The following ATP8A2 variants were observed in gnomAD, a reference collection of about 807,000 sequenced individuals.
The protein encoded by ATP8A2 is phospholipid-transporting ATPase IB.
Under a neutral mutation model 165.6 loss-of-function variants are expected in ATP8A2, and 100 were observed. That is an observed-to-expected ratio of 0.60 (90% CI 0.51 to 0.71). ATP8A2 has a LOEUF of 0.71. Ranked by LOEUF, ATP8A2 falls within the 30% of genes least tolerant of loss-of-function variation. The probability of loss-of-function intolerance (pLI) is 0.00; values close to 1 mark genes in which losing one functional copy is unlikely to be tolerated. For missense variants in ATP8A2, 1,227 were observed against 1,479.5 expected, an observed-to-expected ratio of 0.83 and a Z score of 2.80; for synonymous variants, 543 against 548.8, an observed-to-expected ratio of 0.99 and a Z score of 0.15.
chr13:25,975,537 G>A (rs1040219245), intron 35 of ATP8A2, among the ~76,000 whole-genome samples: 3 of 151,836 alleles, frequency 2.0e-5, no homozygotes, highest in Non-Finnish European at 4.4e-5. Context: ...AGCCGAGATC[G>A]CGCCACTGCA....
intron 24 of ATP8A2, among the ~76,000 whole-genome samples, chr13:25,658,510 G>A (rs562364951): frequency 9.0e-4 from 137 of 152,074 alleles, no homozygotes; most frequent in Admixed American, 2.3e-3. Flanking sequence ...GTGGTGGTGC[G>A]CACCTGTAAT....
At chr13:25,990,473 C>T (rs924992571) in intron 35 of ATP8A2, among the ~76,000 whole-genome samples, 8 of 152,078 alleles carry the variant, frequency 5.3e-5, no homozygotes, top group Non-Finnish European at 7.4e-5. Context: ...GACTTGTCCA[C>T]GGGAAGAACA....
chr13:25,591,638 G>A (rs2040083078), intron 24 of ATP8A2, among the ~76,000 whole-genome samples: 2 of 144,484 alleles, frequency 1.4e-5, no homozygotes, highest in Non-Finnish European at 3.0e-5. Context: ...AGGTTGGAGT[G>A]CTGTGCCAAA....
chr13:25,797,317 CAAAG>C (rs141681249), intron 27 of ATP8A2, among the ~76,000 whole-genome samples: 4,549 of 151,942 alleles, frequency 0.03, 229 homozygotes, highest in African/African-American at 0.1. Context: ...GTGTATAACA[CAAAG>C]AAAGGATAAA....
At chr13:25,801,587 T>C (rs1232776541) in intron 27 of ATP8A2, among the ~76,000 whole-genome samples, 1 of 152,184 alleles carries the variant, frequency 6.6e-6, no homozygotes, top group Non-Finnish European at 1.5e-5. Flanking sequence ...TCCTTCTTCT[T>C]CTTGCCAGAG....
At chr13:25,584,701 G>A (rs1167237328) in intron 23 of ATP8A2, among the ~76,000 whole-genome samples, 1 of 152,158 alleles carries the variant, frequency 6.6e-6, no homozygotes, top group Non-Finnish European at 1.5e-5. Context: ...CTGGTGTGGG[G>A]CTTATTTAGA....
intron 24 of ATP8A2, among the ~76,000 whole-genome samples, chr13:25,631,076 T>G (rs1388631784): frequency 6.6e-6 from 1 of 152,088 alleles, no homozygotes; most frequent in Admixed American, 6.6e-5. Flanking sequence ...ACTTTGAGAG[T>G]GCTAAGTGTG....
intron 13 of ATP8A2, among the ~76,000 whole-genome samples, chr13:25,557,136 AT>A (rs2039005061): frequency 6.6e-6 from 1 of 152,304 alleles, no homozygotes; most frequent in East Asian, 1.9e-4. Context: ...CTTTGATATA[AT>A]TTTCCAAACC....
chr13:25,860,722 G>A, intron 31 of ATP8A2, 82 bp from the exon 32 acceptor site: 1 of 1,106,616 alleles, frequency 9.0e-7, no homozygotes, highest in Non-Finnish European at 1.3e-6. Context: ...TAGTTCTGGA[G>A]TGGAGAGATG....
intron 30 of ATP8A2, among the ~76,000 whole-genome samples, chr13:25,844,739 G>T (rs374692916): frequency 6.6e-6 from 1 of 152,104 alleles, no homozygotes; most frequent in Non-Finnish European, 1.5e-5. Flanking sequence ...GAGCCCCAGA[G>T]GAGTTTTGTT....
chr13:25,941,299 G>A (rs1955065054), intron 33 of ATP8A2, among the ~76,000 whole-genome samples: 1 of 152,132 alleles, frequency 6.6e-6, no homozygotes, highest in African/African-American at 2.4e-5. Context: ...CTTGGTGACT[G>A]TTCCCTGTTT....
At chr13:25,464,120 C>A (rs1193769348) in intron 1 of ATP8A2, among the ~76,000 whole-genome samples, 6 of 152,184 alleles carry the variant, frequency 3.9e-5, no homozygotes, top group Non-Finnish European at 2.9e-5. Context: ...GCTGTGAAGA[C>A]TTTCCTCTGC....
chr13:25,903,219 C>T lies in ATP8A2; in HGVS notation c.3183+40811C>T, dbSNP rs554421411. On this transcript the variant is annotated intron_variant, in intron 33 of 36. Transcript: ENST00000381655. ...CATACTAGGAACGCAGAGACTTATT[C>T]TTGACTTTTCTCTCTCCCACAGTCT... 2.6e-3 allele frequency among the ~76,000 whole-genome samples: 393 copies of T among 152,268 alleles called. 1 individual carries two copies. The highest frequency in any genetic ancestry group is 4.6e-3 in the Non-Finnish European group (313 of 68,028).
intron 27 of ATP8A2, among the ~76,000 whole-genome samples, chr13:25,787,710 G>C (rs2045065689): frequency 6.6e-6 from 1 of 152,212 alleles, no homozygotes. Context: ...AACACCATTG[G>C]CCGGGCCTCT....
Position 25,750,631 on chromosome 13 carries a change from C to A in ATP8A2, c.2385-18415C>A, listed in dbSNP as rs217870. Among the ~76,000 whole-genome samples, 7 of 152,164 alleles carry A rather than the reference C, an allele frequency of 4.6e-5. No homozygotes were observed. The highest frequency in any genetic ancestry group is 8.8e-5 in the Non-Finnish European group (6 of 68,044). On this transcript the variant is annotated intron_variant, in intron 25 of 36. Coordinates refer to ENST00000381655, the MANE Select transcript of ATP8A2 (RefSeq NM_016529.6). This position sits in a 1 kb window ranked among gnomAD's most constrained non-coding sequence, Gnocchi z 4.3. ...TGGGATTCTAGAAATGAGTGTGTTCCAGTAATAGGGAGGAAGTGTGGGGAG... is the reference window on the plus strand; with the variant it reads ...TGGGATTCTAGAAATGAGTGTGTTCAAGTAATAGGGAGGAAGTGTGGGGAG...
chr13:25,618,142 T>C (rs1015799930), intron 24 of ATP8A2, among the ~76,000 whole-genome samples: 1 of 152,184 alleles, frequency 6.6e-6, no homozygotes, highest in Non-Finnish European at 1.5e-5. Flanking sequence ...TCTGGTTTGC[T>C]TTCTTTTGGT....
At chr13:25,808,707 T>C (rs1236022739) in intron 27 of ATP8A2, among the ~76,000 whole-genome samples, 2 of 152,094 alleles carry the variant, frequency 1.3e-5, no homozygotes, top group African/African-American at 4.8e-5. Context: ...AGTGCTGGTA[T>C]TACAGGCTTG....
chr13:25,851,203 C>T, intron 30 of ATP8A2, among the ~76,000 whole-genome samples: 1 of 152,224 alleles, frequency 6.6e-6, no homozygotes, highest in African/African-American at 2.4e-5. Context: ...AGCCCATCTT[C>T]ATTAAAGTTT....
intron 30 of ATP8A2, among the ~76,000 whole-genome samples, chr13:25,846,539 G>A (rs535206829): frequency 5.9e-5 from 9 of 152,180 alleles, no homozygotes; most frequent in Non-Finnish European, 1.0e-4. Context: ...GAGATATTGC[G>A]GGGCAGATTG....
Sources: gnomAD v4.1 joint callset for allele counts (sites outside exome capture counted in the v4.1 genomes callset) on GRCh38, gnomAD v4.1.1 for gene constraint, Gnocchi (gnomAD v3.1) non-coding constraint, MANE v1.5 for transcripts, NCBI Gene and HGNC (gene_info 2026-07-23, HGNC 2026-07-21) for gene names.